The following CLEC2L variants were observed in gnomAD, a reference collection of about 807,000 sequenced individuals.
The protein encoded by CLEC2L is C-type lectin domain family 2 member L.
CLEC2L carries 14 observed loss-of-function variants against 23.6 expected under a neutral mutation model. The ratio of observed to expected loss-of-function variants is 0.59; its 90% CI spans 0.39 to 0.93. The LOEUF (loss-of-function observed/expected upper bound fraction) is 0.93. Among genes scored for constraint, CLEC2L ranks in the 40% least tolerant of loss-of-function variants. The probability of loss-of-function intolerance (pLI) is 0.00; values close to 1 mark genes in which losing one functional copy is unlikely to be tolerated. For synonymous variants in CLEC2L, 114 were observed against 121.3 expected, an observed-to-expected ratio of 0.94 and a Z score of 0.40; for missense variants, 264 against 282.4, an observed-to-expected ratio of 0.93 and a Z score of 0.47.
Position 139,544,890 on chromosome 7 carries a change from C to T in CLEC2L, c.*548C>T, listed in dbSNP as rs888200389. 1.3e-5 allele frequency: 2 copies of T among 153,174 alleles called. No homozygotes were observed. The highest frequency in any genetic ancestry group is 4.8e-5 in the African/African-American group (2 of 41,468). 9.5% of individuals were successfully genotyped at this position (153,174 alleles called of 1,614,324 possible). On this transcript the variant is annotated 3_prime_UTR_variant, in exon 5 of 5. Transcript: ENST00000422142. The stretch of plus-strand genomic sequence containing the variant: ...CGGGCCCCAGAGGTCCCCTGCATCC[C>T]CCTTCTTTGCCTTGCCTGGGTTCTC...
At chr7:139,542,182 C>A (rs1797745767) in intron 4 of CLEC2L, 61 bp downstream of exon 4, 3 of 1,134,544 alleles carry the variant, frequency 2.6e-6, no homozygotes, top group East Asian at 2.5e-5. Flanking sequence ...TGACTCACCC[C>A]CTGGACACAA....
In CLEC2L at chr7:139,544,645, G is replaced by T; in HGVS notation, c.*303G>T. ...CGCACGCACAGACGCTGTCCCTTCTGAAGCTCAGTGTCCATCCTGAGCCAC... is the reference window on the plus strand; with the variant it reads ...CGCACGCACAGACGCTGTCCCTTCTTAAGCTCAGTGTCCATCCTGAGCCAC... On this transcript the variant is annotated 3_prime_UTR_variant, in exon 5 of 5. Coordinates refer to ENST00000422142, the MANE Select transcript of CLEC2L (RefSeq NM_001080511.4). 1 of 313,938 alleles carries T rather than the reference G, an allele frequency of 3.2e-6. No homozygotes were observed. Among genetic ancestry groups the T allele is most frequent in the Non-Finnish European group, 6.0e-6 (1 of 167,142 alleles). The allele number at this position is 313,938 out of a possible 1,614,324, so 19.4% of individuals were successfully genotyped here.
chr7:139,533,441 C>T (rs577303377), intron 1 of CLEC2L, among the ~76,000 whole-genome samples: 13 of 152,272 alleles, frequency 8.5e-5, no homozygotes, highest in Admixed American at 7.8e-4. Context: ...CTGCAACCTC[C>T]GCCTCCTGAG....
chr7:139,532,054 A>G (rs1396804709), intron 1 of CLEC2L, among the ~76,000 whole-genome samples: 1 of 152,242 alleles, frequency 6.6e-6, no homozygotes, highest in Non-Finnish European at 1.5e-5. Flanking sequence ...ACATTGTGCA[A>G]TGAAGACCCT....
chr7:139,526,812 G>T (rs571238219), intron 1 of CLEC2L, among the ~76,000 whole-genome samples: 1 of 152,198 alleles, frequency 6.6e-6, no homozygotes, highest in Non-Finnish European at 1.5e-5. Flanking sequence ...TGCAGCCCCT[G>T]CTGGGGGAGC....
chr7:139,532,876 A>G (rs1012950583), intron 1 of CLEC2L, among the ~76,000 whole-genome samples: 9 of 152,240 alleles, frequency 5.9e-5, no homozygotes, highest in Admixed American at 4.6e-4. Flanking sequence ...CACCCAGTCT[A>G]TGACAGTTTG....
intron 1 of CLEC2L, among the ~76,000 whole-genome samples, chr7:139,527,423 G>A (rs1210179397): frequency 6.6e-6 from 1 of 152,190 alleles, no homozygotes; most frequent in Non-Finnish European, 1.5e-5. Context: ...GAGTCAGAGA[G>A]CTTCTTAAAG....
In CLEC2L at chr7:139,544,381, T is replaced by G. The variant is rs1569428928; in HGVS notation, c.*39T>G. 7.0e-7 allele frequency: 1 copy of G among 1,435,992 alleles called. No individual in the cohort carries two copies. The allele number at this position is 1,435,992 out of a possible 1,614,324, so 89.0% of individuals were successfully genotyped here. ...AGAGGTGGCCCCGCCCCTAGGCCTG[T>G]GGGAGGTGTCTGGTGTCTGCTCAAG... is the stretch of plus-strand genomic sequence containing the variant. On this transcript the variant is annotated 3_prime_UTR_variant, in exon 5 of 5. Coordinates refer to ENST00000422142, the MANE Select transcript of CLEC2L (RefSeq NM_001080511.4).
At chr7:139,528,478 G>A (rs1016114186) in intron 1 of CLEC2L, among the ~76,000 whole-genome samples, 2 of 152,202 alleles carry the variant, frequency 1.3e-5, no homozygotes, top group East Asian at 1.9e-4. Context: ...GCAAAGACAC[G>A]TCTTACATGG....
intron 1 of CLEC2L, among the ~76,000 whole-genome samples, chr7:139,530,357 C>T (rs75193847): frequency 6.6e-6 from 1 of 152,150 alleles, no homozygotes; most frequent in African/African-American, 2.4e-5. Flanking sequence ...GTTACCTGAG[C>T]CTCATGGGAG....
rs1053959873 is a variant in CLEC2L, at chr7:139,539,502, A to G, written c.266-819A>G. 1.3e-5 allele frequency: 2 copies of G among 152,162 alleles called. No individual in the cohort carries two copies. The highest frequency in any genetic ancestry group is 2.9e-5 in the Non-Finnish European group (2 of 68,046). 9.4% of individuals were successfully genotyped at this position (152,162 alleles called of 1,614,324 possible). ...ACATACCCGCCGATCTGTTCGTGGA[A>G]GCAGTCTGCAGACTGGAGATCCCAT... On this transcript the variant is annotated intron_variant, in intron 2 of 4. Coordinates refer to ENST00000422142, the MANE Select transcript of CLEC2L (RefSeq NM_001080511.4). The surrounding 1 kb of genome is among the most constrained non-coding windows in gnomAD (Gnocchi z 4.1).
Position 139,540,523 on chromosome 7 carries a change from G to T in CLEC2L, c.432+36G>T, listed in dbSNP as rs1449286842. On this transcript the variant is annotated intron_variant, in intron 3 of 4. Transcript: ENST00000422142. The surrounding 1 kb of genome is among the most constrained non-coding windows in gnomAD (Gnocchi z 5.8). ...CAAGGTGAAGGGGGTTGGGGGAAGGGACCCTCAGGGCCCCCAACCTTGACT... is the reference window on the plus strand; with the variant it reads ...CAAGGTGAAGGGGGTTGGGGGAAGGTACCCTCAGGGCCCCCAACCTTGACT... The T allele has an allele frequency of 3.8e-6, 6 of 1,559,882 alleles. No individual in the cohort carries two copies. In the Admixed American group the frequency reaches 1.2e-4, roughly 30 times the overall value.
At chr7:139,534,340 A>G in intron 1 of CLEC2L, 2 of 1,161,852 alleles carry the variant, frequency 1.7e-6, no homozygotes, top group Non-Finnish European at 2.6e-6. Context: ...AGGCGTTTGT[A>G]AAATGTATGA....
In CLEC2L at chr7:139,542,042, C is replaced by A; in HGVS notation, c.454C>A (p.Arg152=). The A allele has an allele frequency of 6.2e-7, 1 of 1,612,654 alleles. No individual in the cohort carries two copies. Among genetic ancestry groups the A allele is most frequent in the Non-Finnish European group, 8.5e-7 (1 of 1,179,376 alleles). Reference sequence around the variant, plus strand: ...GCAGGAATTTATGTTCAAGTTCACGCGGAGGGAGCCCTGGATTGGACTACG... The same window carrying A: ...GCAGGAATTTATGTTCAAGTTCACGAGGAGGGAGCCCTGGATTGGACTACG... ...KELEFMFKFT[R]REPWIGLRRV... The change falls in exon 4 of 5, where the codon CGG becomes AGG. Residue 152 remains arginine, a synonymous_variant. Coordinates refer to ENST00000422142, the MANE Select transcript of CLEC2L (RefSeq NM_001080511.4).
Position 139,523,990 on chromosome 7 carries a change from C to A in CLEC2L, c.63C>A (p.Pro21=). The change falls in exon 1 of 5, where the codon CCC becomes CCA. Residue 21 remains proline, a synonymous_variant. Transcript: ENST00000422142. This position sits in a 1 kb window ranked among gnomAD's most constrained non-coding sequence, Gnocchi z 4.1. ...ARPPPPLAAR[P]APAPAAPRPR... is the part of the protein sequence containing the mutation. ...CGCCGCCGCCCCTCGCCGCGCGCCC[C>A]GCGCCCGCCCCCGCCGCCCCCAGGC... is the stretch of plus-strand genomic sequence containing the variant. 1 of 1,007,282 alleles carries A rather than the reference C, an allele frequency of 9.9e-7. No individual in the cohort carries two copies. The highest frequency in any genetic ancestry group is 1.2e-6 in the Non-Finnish European group (1 of 843,560). The allele number at this position is 1,007,282 out of a possible 1,614,324, so 62.4% of individuals were successfully genotyped here.
intron 1 of CLEC2L, among the ~76,000 whole-genome samples, chr7:139,526,997 A>C (rs932020406): frequency 6.6e-6 from 1 of 152,220 alleles, no homozygotes; most frequent in Admixed American, 6.5e-5. Context: ...TCTTGAGAGA[A>C]ATGGGACATT....
intron 1 of CLEC2L, among the ~76,000 whole-genome samples, chr7:139,527,580 A>C (rs1225167211): frequency 6.6e-6 from 1 of 152,158 alleles, no homozygotes; most frequent in Non-Finnish European, 1.5e-5. Flanking sequence ...CTGGGGTATA[A>C]GGCTAGAAAA....
chr7:139,524,569 G>A (rs937215951), intron 1 of CLEC2L, among the ~76,000 whole-genome samples: 19 of 151,112 alleles, frequency 1.3e-4, no homozygotes, highest in African/African-American at 4.7e-4. Context: ...TGGTGGTGGG[G>A]CATGTGGGGA....
rs773963074 is a variant in CLEC2L, at chr7:139,540,845, G to A, written c.432+358G>A. 2.6e-5 allele frequency among the ~76,000 whole-genome samples: 4 copies of A among 152,034 alleles called. No individual in the cohort carries two copies. Among genetic ancestry groups the A allele is most frequent in the Non-Finnish European group, 4.4e-5 (3 of 68,006 alleles). ...GAGGCAGGAGGATCACTTGAGCCCA[G>A]GAGTTGGGGGCTAGTCTGGGCAACA... is the stretch of plus-strand genomic sequence containing the variant. On this transcript the variant is annotated intron_variant, in intron 3 of 4. Transcript: ENST00000422142. The surrounding 1 kb of genome is among the most constrained non-coding windows in gnomAD (Gnocchi z 5.8).
Sources: allele counts gnomAD v4.1 joint callset (sites outside exome capture counted in the v4.1 genomes callset), GRCh38; gene constraint gnomAD v4.1.1; non-coding constraint Gnocchi (gnomAD v3.1); transcripts MANE v1.5; gene names NCBI Gene and HGNC (gene_info 2026-07-23, HGNC 2026-07-21).